ZMYM2: variants seen among roughly 807,000 people sequenced by gnomAD.
The protein encoded by ZMYM2 is zinc finger MYM-type containing 2.
In ZMYM2, 56 loss-of-function variants were observed where a neutral mutation model predicts 162.8. The ratio of observed to expected loss-of-function variants is 0.34; its 90% CI spans 0.28 to 0.43. The LOEUF (loss-of-function observed/expected upper bound fraction) is 0.43. Among genes scored for constraint, ZMYM2 ranks in the 20% least tolerant of loss-of-function variants. The pLI is 1.00. For synonymous variants in ZMYM2, 510 were observed against 541.6 expected (o/e 0.94, Z 0.81); for missense variants, 1,275 against 1,621.8 (o/e 0.79, Z 3.67).
intron 2 of ZMYM2, among the ~76,000 whole-genome samples, chr13:19,966,807 T>C (rs1200343315): frequency 1.3e-5 from 2 of 152,318 alleles, no homozygotes; most frequent in East Asian, 1.9e-4. Flanking sequence ...ATCATGATTA[T>C]AAAATTTAAC....
chr13:20,026,873 T>C lies in ZMYM2; in HGVS notation c.1735+111T>C, dbSNP rs1594439789. The C allele has an allele frequency of 5.4e-5, 63 of 1,165,350 alleles. 3 individuals carry two copies. In the South Asian group the frequency reaches 1.1e-3, roughly 20 times the overall value. 72.2% of individuals were successfully genotyped at this position (1,165,350 alleles called of 1,614,324 possible). On this transcript the variant is annotated intron_variant, in intron 8 of 24. Transcript: ENST00000610343. ...GTTTTTAACAGCTTTTTATTTTATA[T>C]TAATCTTTTTGAAAACTGTTCTAAT...
At chr13:19,906,953 T>C in the ZMYM2 span, among the ~76,000 whole-genome samples, 15 of 152,258 alleles carry the variant, frequency 9.9e-5, 1 homozygote, top group East Asian at 2.7e-3. Context: ...CTCAAACTCC[T>C]GGCCTTAAAC....
chr13:19,895,075 T>TG, the ZMYM2 span, among the ~76,000 whole-genome samples: 2 of 12,450 alleles, frequency 1.6e-4, no homozygotes, highest in Non-Finnish European at 5.6e-4. Context: ...AAACTCCATC[T>TG]CAAAAAAAAA....
chr13:20,051,056 C>T (rs544263787), intron 12 of ZMYM2, among the ~76,000 whole-genome samples: 104 of 152,082 alleles, frequency 6.8e-4, no homozygotes, highest in South Asian at 2.5e-3. Flanking sequence ...CTGGGAAATC[C>T]GTTCATTACT....
intron 21 of ZMYM2, among the ~76,000 whole-genome samples, chr13:20,076,899 C>T (rs925836183): frequency 2.7e-5 from 4 of 149,824 alleles, no homozygotes; most frequent in South Asian, 2.1e-4. Flanking sequence ...TGCAGTGGTG[C>T]GATCTCGGCA....
At chr13:19,987,539 A>G (rs1949258916) in intron 2 of ZMYM2, among the ~76,000 whole-genome samples, 1 of 151,234 alleles carries the variant, frequency 6.6e-6, no homozygotes, top group African/African-American at 2.4e-5. Context: ...CTGGGATTAC[A>G]GGCGTGAGGC....
Position 20,087,844 on chromosome 13 carries a change from C to T in ZMYM2, c.*1830C>T, listed in dbSNP as rs528947109. 4 of 186,570 alleles carry T rather than the reference C, an allele frequency of 2.1e-5. No homozygotes were observed. Among genetic ancestry groups the T allele is most frequent in the African/African-American group, 7.0e-5 (3 of 42,824 alleles). 11.6% of individuals were successfully genotyped at this position (186,570 alleles called of 1,614,324 possible). ...TGGGTAACATTTAAAATATATAATACAAAAATTTTCTCTAACTTACCTTTT... is the reference window on the plus strand; with the variant it reads ...TGGGTAACATTTAAAATATATAATATAAAAATTTTCTCTAACTTACCTTTT... On this transcript the variant is annotated 3_prime_UTR_variant, in exon 25 of 25. Coordinates refer to ENST00000610343, the MANE Select transcript of ZMYM2 (RefSeq NM_197968.4).
chr13:19,917,695 C>G, the ZMYM2 span, among the ~76,000 whole-genome samples: 1 of 151,402 alleles, frequency 6.6e-6, no homozygotes. Flanking sequence ...TGGTATTTAA[C>G]TTAATACATA....
chr13:19,870,892 G>A, the ZMYM2 span, among the ~76,000 whole-genome samples: 1 of 152,016 alleles, frequency 6.6e-6, no homozygotes, highest in Non-Finnish European at 1.5e-5. Flanking sequence ...CTCCCAAAGC[G>A]CTGGGATTAC....
chr13:20,025,898 G>A (rs928594580), intron 7 of ZMYM2: 1 of 152,166 alleles, frequency 6.6e-6, no homozygotes, highest in African/African-American at 2.4e-5. Flanking sequence ...AAAAGGTACA[G>A]TAGAAATATG....
At chr13:20,037,708 G>A (rs259805) in intron 12 of ZMYM2, among the ~76,000 whole-genome samples, 15,474 of 152,074 alleles carry the variant, frequency 0.1, 1,298 homozygotes, top group African/African-American at 0.22. Flanking sequence ...AACCATAAAT[G>A]TGTGTATGTG....
the ZMYM2 span, among the ~76,000 whole-genome samples, chr13:19,930,875 C>T: frequency 6.6e-6 from 1 of 150,622 alleles, no homozygotes; most frequent in Admixed American, 6.6e-5. Flanking sequence ...CGCGGTGGCT[C>T]ATGCCTGTAA....
intron 17 of ZMYM2, among the ~76,000 whole-genome samples, chr13:20,062,074 C>A (rs1956275640): frequency 6.6e-6 from 1 of 152,166 alleles, no homozygotes; most frequent in Admixed American, 6.5e-5. Context: ...AGTCCTATTT[C>A]AACCTTGAGC....
intron 2 of ZMYM2, among the ~76,000 whole-genome samples, chr13:19,981,170 G>C: frequency 6.6e-6 from 1 of 152,134 alleles, no homozygotes; most frequent in East Asian, 1.9e-4. Context: ...TTCTCAGGAG[G>C]CTGAGGTGGG....
chr13:20,031,610 CTA>C (rs200100182), intron 10 of ZMYM2, among the ~76,000 whole-genome samples, 175 bp downstream of exon 10: 1,916 of 152,090 alleles, frequency 0.013, 142 homozygotes, highest in Admixed American at 0.12. Context: ...AACAAAGGAT[CTA>C]TGTCTTTTTA....
chr13:20,080,897 T>G (rs1272365334), intron 21 of ZMYM2, among the ~76,000 whole-genome samples: 1 of 152,236 alleles, frequency 6.6e-6, no homozygotes, highest in Non-Finnish European at 1.5e-5. Flanking sequence ...ATGCAGACAT[T>G]CAACTATGCT....
At chr13:20,061,369 T>A in intron 17 of ZMYM2, 145 bp downstream of exon 17, 2 of 692,170 alleles carry the variant, frequency 2.9e-6, no homozygotes, top group Non-Finnish European at 4.1e-6. Context: ...TTTTTTATAT[T>A]AAGAGATCTA....
At chr13:19,951,527 TAAAAAA>T in the ZMYM2 span, among the ~76,000 whole-genome samples, 4 of 76,438 alleles carry the variant, frequency 5.2e-5, no homozygotes, top group Middle Eastern at 0.011. Context: ...CCATCTCTAC[TAAAAAA>T]AAAAAAAAAA....
At chr13:19,931,395 G>C in the ZMYM2 span, among the ~76,000 whole-genome samples, 1 of 151,910 alleles carries the variant, frequency 6.6e-6, no homozygotes, top group African/African-American at 2.4e-5. Flanking sequence ...TAACAACCTT[G>C]TTGAACTTTC....
Sources: allele counts gnomAD v4.1 joint callset (sites outside exome capture counted in the v4.1 genomes callset), GRCh38; gene constraint gnomAD v4.1.1; transcripts MANE v1.5; gene names NCBI Gene and HGNC (gene_info 2026-07-23, HGNC 2026-07-21).